Variants in ZNF423 observed in about 807,000 individuals in gnomAD.
ZNF423 encodes Ebf-associated zinc finger protein.
A neutral mutation model predicts 95.8 loss-of-function variants in ZNF423; 12 were observed. The ratio of observed to expected loss-of-function variants is 0.13; its 90% CI spans 0.08 to 0.20. ZNF423 has a LOEUF of 0.20. ZNF423 is among the 10% of genes least tolerant of loss of function. The probability of loss-of-function intolerance (pLI) is 1.00; values close to 1 mark genes in which losing one functional copy is unlikely to be tolerated. For missense variants in ZNF423, 1,316 were observed against 1,737.1 expected, an observed-to-expected ratio of 0.76 and a Z score of 4.31; for synonymous variants, 749 against 711.9, an observed-to-expected ratio of 1.05 and a Z score of -0.83.
chr16:49,801,901 T>C (rs1258425525), intron 1 of ZNF423, among the ~76,000 whole-genome samples: 1 of 152,118 alleles, frequency 6.6e-6, no homozygotes, highest in Admixed American at 6.5e-5. Context: ...CAGGCTGGAG[T>C]GCGGTGGTGT....
chr16:49,558,587 A>C (rs949383932), intron 5 of ZNF423, among the ~76,000 whole-genome samples: 1 of 152,160 alleles, frequency 6.6e-6, no homozygotes, highest in African/African-American at 2.4e-5. Context: ...CTGCACAGAT[A>C]TGCAAATCCA....
chr16:49,788,993 G>A (rs531245177), intron 2 of ZNF423, among the ~76,000 whole-genome samples: 7 of 152,150 alleles, frequency 4.6e-5, no homozygotes, highest in Non-Finnish European at 8.8e-5. Context: ...TGACTGTCAC[G>A]TCACCCCCGA....
chr16:49,557,365 G>C (rs1300113210), intron 5 of ZNF423, among the ~76,000 whole-genome samples: 1 of 152,196 alleles, frequency 6.6e-6, no homozygotes, highest in East Asian at 1.9e-4. Context: ...TGGCTGTCTT[G>C]GCTGAACAAA....
At chr16:49,671,974 C>T (rs529067868) in intron 3 of ZNF423, among the ~76,000 whole-genome samples, 6 of 152,258 alleles carry the variant, frequency 3.9e-5, no homozygotes, top group East Asian at 1.9e-4. Context: ...CGTGAGCCAC[C>T]GCGCTCAGCC....
In ZNF423 at chr16:49,568,973, T is replaced by C. The variant is rs558699885; in HGVS notation, c.3602-43479A>G. Reference sequence around the variant, plus strand: ...TGTGTGAAATGACTCCATCCCTCCTTCAGGAGTCAGATTAGACCCCACCAG... The same window carrying C: ...TGTGTGAAATGACTCCATCCCTCCTCCAGGAGTCAGATTAGACCCCACCAG... On this transcript the variant is annotated intron_variant, in intron 5 of 7. Transcript: ENST00000563137. 2.0e-5 allele frequency among the ~76,000 whole-genome samples: 3 copies of C among 152,148 alleles called. No individual in the cohort carries two copies. The East Asian group carries it at 5.8e-4, about 29-fold the overall frequency.
intron 5 of ZNF423, among the ~76,000 whole-genome samples, chr16:49,568,740 C>G (rs972771923): frequency 1.3e-5 from 2 of 152,162 alleles, no homozygotes; most frequent in African/African-American, 4.8e-5. Flanking sequence ...CATTCCTATT[C>G]ACTAAAATTC....
intron 3 of ZNF423, among the ~76,000 whole-genome samples, chr16:49,684,957 G>A (rs2031506343): frequency 6.6e-6 from 1 of 152,208 alleles, no homozygotes; most frequent in Non-Finnish European, 1.5e-5. Context: ...AGCCCAGAAA[G>A]GCAGGGGCAC....
At chr16:49,591,295 G>A (rs1267641709) in intron 5 of ZNF423, among the ~76,000 whole-genome samples, 1 of 151,176 alleles carries the variant, frequency 6.6e-6, no homozygotes, top group Non-Finnish European at 1.5e-5. Flanking sequence ...AAACAGTATG[G>A]GTATTATAAG....
At chr16:49,846,793 G>C (rs1197317734) in intron 1 of ZNF423, among the ~76,000 whole-genome samples, 1 of 152,154 alleles carries the variant, frequency 6.6e-6, no homozygotes. Context: ...GGGGGTGAGG[G>C]ACAAAGCCAT....
At chr16:49,807,720 C>A (rs964859928) in intron 1 of ZNF423, among the ~76,000 whole-genome samples, 7 of 152,224 alleles carry the variant, frequency 4.6e-5, no homozygotes, top group Admixed American at 3.9e-4. Flanking sequence ...GCTGGTCCCA[C>A]CAAGGCAGGC....
At position 49,491,229 on chromosome 16, in the gene ZNF423, G is replaced by A. The variant is rs139544621; in HGVS notation, c.*46C>T. ...ATGTTCAAATGGCCCTCCCCACGGC[G>A]TCTCCGGCAAGCCTTCTGCGGAGAG... On this transcript the variant is annotated 3_prime_UTR_variant, in exon 8 of 8. Transcript: ENST00000563137. The A allele has an allele frequency of 1.2e-6, 2 of 1,612,798 alleles. No individual in the cohort carries two copies. Among genetic ancestry groups the A allele is most frequent in the African/African-American group, 1.3e-5 (1 of 75,006 alleles).
chr16:49,724,535 G>A (rs931445795), intron 3 of ZNF423, among the ~76,000 whole-genome samples: 17 of 152,194 alleles, frequency 1.1e-4, no homozygotes, highest in African/African-American at 3.6e-4. Flanking sequence ...GAGGAGCGCC[G>A]CAAGTCAGTA....
chr16:49,852,567 C>T (rs2035313471), intron 1 of ZNF423, among the ~76,000 whole-genome samples: 1 of 151,818 alleles, frequency 6.6e-6, no homozygotes, highest in Non-Finnish European at 1.5e-5. Flanking sequence ...GAAAATGAGG[C>T]CAAAATTATC....
At chr16:49,511,946 C>A (rs184059964) in intron 7 of ZNF423, among the ~76,000 whole-genome samples, 98 of 152,210 alleles carry the variant, frequency 6.4e-4, no homozygotes, top group Admixed American at 3.4e-3. Context: ...ACATGGGGGC[C>A]CAACTGTGGG....
At chr16:49,760,725 G>C (rs1179950472) in intron 2 of ZNF423, among the ~76,000 whole-genome samples, 1 of 151,988 alleles carries the variant, frequency 6.6e-6, no homozygotes, top group Non-Finnish European at 1.5e-5. Flanking sequence ...CCCAGAGGAG[G>C]GGACCTGGAC....
chr16:49,816,151 T>G (rs1194998200), intron 1 of ZNF423, among the ~76,000 whole-genome samples: 1 of 151,336 alleles, frequency 6.6e-6, no homozygotes, highest in African/African-American at 2.4e-5. Context: ...ACTCCTGGGC[T>G]CCCACGATCC....
intron 2 of ZNF423, among the ~76,000 whole-genome samples, chr16:49,740,238 A>G (rs1248208354): frequency 6.6e-6 from 1 of 152,124 alleles, no homozygotes; most frequent in Non-Finnish European, 1.5e-5. Context: ...CATGTTCCCG[A>G]GGGCAAGATG....
At chr16:49,519,331 T>C (rs1289648005) in intron 7 of ZNF423, among the ~76,000 whole-genome samples, 1 of 152,176 alleles carries the variant, frequency 6.6e-6, no homozygotes, top group African/African-American at 2.4e-5. Context: ...TAACGGTAAA[T>C]GAACGTTTAA....
chr16:49,814,052 C>T (rs1394375690), intron 1 of ZNF423, among the ~76,000 whole-genome samples: 8 of 152,198 alleles, frequency 5.3e-5, no homozygotes, highest in African/African-American at 1.9e-4. Flanking sequence ...GCCCAGAGGA[C>T]GCAGGAAGTG....
Sources: gnomAD v4.1 joint callset for allele counts (sites outside exome capture counted in the v4.1 genomes callset) on GRCh38, gnomAD v4.1.1 for gene constraint, MANE v1.5 for transcripts, NCBI Gene and HGNC (gene_info 2026-07-23, HGNC 2026-07-21) for gene names.